CADPS: variants seen among roughly 807,000 people sequenced by gnomAD.
CADPS encodes calcium-dependent secretion activator 1.
Under a neutral mutation model 167.3 loss-of-function variants are expected in CADPS, and 57 were observed. That is an observed-to-expected ratio of 0.34 (90% confidence interval 0.28 to 0.42). CADPS has a LOEUF of 0.42. Among genes scored for constraint, CADPS ranks in the 20% least tolerant of loss-of-function variants. The probability of loss-of-function intolerance (pLI) is 1.00; values close to 1 mark genes in which losing one functional copy is unlikely to be tolerated. For missense variants in CADPS, 1,414 were observed against 1,738.1 expected (o/e 0.81, Z 3.32); for synonymous variants, 676 against 635.3 (o/e 1.06, Z -0.96).
At chr3:62,855,702 C>T (rs73844656) in intron 1 of CADPS, among the ~76,000 whole-genome samples, 7,020 of 151,866 alleles carry the variant, frequency 0.046, 183 homozygotes, top group East Asian at 0.091. Flanking sequence ...AATTATTTGC[C>T]GATTTTGGGG....
rs115371874 is a variant in CADPS, at chr3:62,412,597, C to T, written c.3778-9412G>A. On this transcript the variant is annotated intron_variant, in intron 28 of 29. Coordinates refer to ENST00000383710, the MANE Select transcript of CADPS (RefSeq NM_003716.4). This position sits in a 1 kb window ranked among gnomAD's most constrained non-coding sequence, Gnocchi z 4.1. ...TTATCTATTAATGACCAAATTCCAACTCTGTAAAATGTGTAATAAGTAATT... is the reference window on the plus strand; with the variant it reads ...TTATCTATTAATGACCAAATTCCAATTCTGTAAAATGTGTAATAAGTAATT... Among the ~76,000 whole-genome samples the T allele has an allele frequency of 4.2e-3, 634 of 152,160 alleles. 5 individuals carry two copies. Among genetic ancestry groups the T allele is most frequent in the Non-Finnish European group, 7.2e-3 (487 of 68,016 alleles).
chr3:62,818,321 A>G (rs1437807594), intron 1 of CADPS, among the ~76,000 whole-genome samples: 1 of 152,168 alleles, frequency 6.6e-6, no homozygotes, highest in African/African-American at 2.4e-5. Flanking sequence ...AAAATCAGGG[A>G]CAGCGTTCCT....
At chr3:62,550,223 G>T (rs1276160020) in intron 10 of CADPS, 108 bp from the exon 11 acceptor site, 6 of 777,396 alleles carry the variant, frequency 7.7e-6, no homozygotes, top group East Asian at 2.6e-5. Context: ...GGACAGAAGA[G>T]GGGGGTAGTG....
In CADPS at chr3:62,809,720, G is replaced by C. The variant is rs570883513; in HGVS notation, c.442-43736C>G. Among the ~76,000 whole-genome samples, 4 of 152,242 alleles carry C rather than the reference G, an allele frequency of 2.6e-5. No individual in the cohort carries two copies. The East Asian group carries it at 7.7e-4, about 29-fold the overall frequency. ...GTCAGGTCCACAAGAGGAGGGATGA[G>C]GTTTGTCTTGCCTATTGCTGTATTT... On this transcript the variant is annotated intron_variant, in intron 1 of 29. Transcript: ENST00000383710.
intron 28 of CADPS, among the ~76,000 whole-genome samples, chr3:62,408,470 C>T (rs2048323784): frequency 6.6e-6 from 1 of 152,162 alleles, no homozygotes; most frequent in Non-Finnish European, 1.5e-5. Context: ...CCCCTGGAAA[C>T]TTTACCCCCT....
chr3:62,635,094 T>C lies in CADPS; in HGVS notation c.1325+10628A>G, dbSNP rs115933623. Among the ~76,000 whole-genome samples the C allele has an allele frequency of 5.9e-3, 901 of 152,322 alleles. 4 individuals are homozygous for C. The highest frequency in any genetic ancestry group is 9.0e-3 in the Non-Finnish European group (611 of 68,030). On this transcript the variant is annotated intron_variant, in intron 6 of 29. Transcript: ENST00000383710. ...GCTATTTCTAGAGACCAGGTTGTTTTTGAGATTCATTTCATTTGAGGTCTG... is the reference window on the plus strand; with the variant it reads ...GCTATTTCTAGAGACCAGGTTGTTTCTGAGATTCATTTCATTTGAGGTCTG...
chr3:62,871,233 G>C (rs2153223602), intron 1 of CADPS, among the ~76,000 whole-genome samples: 1 of 152,210 alleles, frequency 6.6e-6, no homozygotes, highest in East Asian at 1.9e-4. Context: ...TCCTTCGGAA[G>C]TGTTCTTCCG....
rs138256869 is a variant in CADPS at position 62,660,857 on chromosome 3, G to A, written c.969+1457C>T. Among the ~76,000 whole-genome samples, 172 of 152,252 alleles carry A rather than the reference G, an allele frequency of 1.1e-3. 2 individuals carry two copies. Among genetic ancestry groups the A allele is most frequent in the African/African-American group, 3.8e-3 (159 of 41,544 alleles). On this transcript the variant is annotated intron_variant, in intron 4 of 29. Transcript: ENST00000383710. Reference sequence around the variant, plus strand: ...AGTTTATTTTGATTAACGGAGGCCCGTTTAAATTTTGTGCCTGACATAAGC... The same window carrying A: ...AGTTTATTTTGATTAACGGAGGCCCATTTAAATTTTGTGCCTGACATAAGC...
chr3:62,834,470 G>A (rs73844609), intron 1 of CADPS, among the ~76,000 whole-genome samples: 5,599 of 152,202 alleles, frequency 0.037, 132 homozygotes, highest in South Asian at 0.065. Flanking sequence ...AGGCAAGAAC[G>A]TAGTGGTAAG....
In CADPS at chr3:62,518,242, C is replaced by A. The variant is rs765236986; in HGVS notation, c.2300G>T (p.Gly767Val). 6.2e-7 allele frequency: 1 copy of A among 1,611,100 alleles called. No individual in the cohort carries two copies. The highest frequency in any genetic ancestry group is 2.2e-5 in the East Asian group (1 of 44,810). The change falls in exon 14 of 30, where the codon GGA becomes GTA. Residue 767 changes from glycine (G) to valine (V), a missense_variant. Physicochemically the swap from Gly to Val is moderately radical, Grantham distance 109 (BLOSUM62 -3). Around this residue, in one of 6 missense-constraint regions of CADPS, gnomAD observed 529 missense variants for 629.6 expected, o/e 0.84. Transcript: ENST00000383710. ...TTCTTCAACAGTCACAGTTCCAATT[C>A]CATCAGGCCTGAAAGAAGACATGTC... ...ASHVHGNRPD[G>V]IGTVTVEEKE...
At chr3:62,499,061 A>G in intron 18 of CADPS, 101 bp downstream of exon 18, 1 of 639,044 alleles carries the variant, frequency 1.6e-6, no homozygotes, top group Non-Finnish European at 2.8e-6. Flanking sequence ...GTTAAAAGAA[A>G]ATGGGTGTTA....
At chr3:62,738,922 A>T (rs2079589825) in intron 3 of CADPS, among the ~76,000 whole-genome samples, 1 of 152,204 alleles carries the variant, frequency 6.6e-6, no homozygotes, top group African/African-American at 2.4e-5. Flanking sequence ...ATTGGCTTTA[A>T]ACAATTTTAT....
intron 1 of CADPS, among the ~76,000 whole-genome samples, chr3:62,830,937 C>T (rs2074961852): frequency 6.6e-6 from 1 of 152,136 alleles, no homozygotes; most frequent in African/African-American, 2.4e-5. Context: ...TGGAACAATT[C>T]CAATCTGCTG....
rs1016659942 is a variant in CADPS, at chr3:62,455,632, A to G, written c.3636+9735T>C. On this transcript the variant is annotated intron_variant, in intron 26 of 29. Coordinates refer to ENST00000383710, the MANE Select transcript of CADPS (RefSeq NM_003716.4). The surrounding 1 kb of genome is among the most constrained non-coding windows in gnomAD (Gnocchi z 4.4). ...TTGTAAAATCTCCAAGCAGACATGT[A>G]AGCTTATTTTTGCGGATTTTAAGTG... is the stretch of plus-strand genomic sequence containing the variant. 2.0e-5 allele frequency among the ~76,000 whole-genome samples: 3 copies of G among 152,210 alleles called. No homozygotes were observed. The highest frequency in any genetic ancestry group is 2.4e-5 in the African/African-American group (1 of 41,456).
chr3:62,558,985 C>T (rs773145337), intron 9 of CADPS, among the ~76,000 whole-genome samples: 42 of 152,226 alleles, frequency 2.8e-4, no homozygotes, highest in Admixed American at 7.8e-4. Context: ...GGCCTGGGGT[C>T]CCATCCCAGC....
chr3:62,618,830 A>G (rs2149435093), intron 6 of CADPS, among the ~76,000 whole-genome samples: 1 of 152,324 alleles, frequency 6.6e-6, no homozygotes, highest in Middle Eastern at 3.4e-3. Flanking sequence ...TTATGTATGT[A>G]TTCATTTGTT....
chr3:62,583,087 T>C (rs1019912002), intron 8 of CADPS, among the ~76,000 whole-genome samples: 1 of 152,094 alleles, frequency 6.6e-6, no homozygotes, highest in Non-Finnish European at 1.5e-5. Context: ...AAAAGCACTT[T>C]AGAGGACAGA....
intron 1 of CADPS, among the ~76,000 whole-genome samples, chr3:62,824,270 T>C (rs1389480395): frequency 6.6e-6 from 1 of 152,144 alleles, no homozygotes; most frequent in Non-Finnish European, 1.5e-5. Context: ...TTAGAGTTAG[T>C]GATGTTTGTT....
At chr3:62,480,593 T>A (rs2061882063) in intron 22 of CADPS, among the ~76,000 whole-genome samples, 1 of 152,206 alleles carries the variant, frequency 6.6e-6, no homozygotes, top group African/African-American at 2.4e-5. Context: ...CCTGGATTAC[T>A]GCAAGAATAA....
Sources: gnomAD v4.1 joint callset for allele counts (sites outside exome capture counted in the v4.1 genomes callset) on GRCh38, gnomAD v4.1.1 for gene constraint, gnomAD v4.1.1 regional missense constraint, Gnocchi (gnomAD v3.1) non-coding constraint, MANE v1.5 for transcripts, NCBI Gene and HGNC (gene_info 2026-07-23, HGNC 2026-07-21) for gene names.